Variants in AMBRA1 observed in about 807,000 individuals in gnomAD.
AMBRA1 encodes the protein autophagy and beclin 1 regulator 1.
AMBRA1 carries 47 observed loss-of-function variants against 125.4 expected under a neutral mutation model. That is an observed-to-expected ratio of 0.37 (90% confidence interval 0.30 to 0.48). The LOEUF (loss-of-function observed/expected upper bound fraction) is 0.48. Among genes scored for constraint, AMBRA1 ranks in the 20% least tolerant of loss-of-function variants. AMBRA1 has a pLI of 0.99. For missense variants in AMBRA1, 1,331 were observed against 1,693.4 expected (o/e 0.79, Z 3.76); for synonymous variants, 626 against 655.5 (o/e 0.95, Z 0.69).
intron 11 of AMBRA1, among the ~76,000 whole-genome samples, chr11:46,453,361 GC>G (rs1948709058): frequency 6.6e-6 from 1 of 151,908 alleles, no homozygotes; most frequent in East Asian, 1.9e-4. Flanking sequence ...GAACTACTGG[GC>G]TCAAGCAATC....
intron 12 of AMBRA1, among the ~76,000 whole-genome samples, chr11:46,437,601 A>G (rs1947788485): frequency 6.6e-6 from 1 of 152,186 alleles, no homozygotes. Context: ...TTAATTTCAC[A>G]TGTGGAAAAG....
chr11:46,460,071 T>C (rs1163304305), intron 11 of AMBRA1, among the ~76,000 whole-genome samples: 1 of 152,186 alleles, frequency 6.6e-6, no homozygotes, highest in Non-Finnish European at 1.5e-5. Flanking sequence ...AACAATTTCA[T>C]CTCTGTGTAA....
chr11:46,415,086 G>T (rs1355917275), intron 15 of AMBRA1, among the ~76,000 whole-genome samples: 1 of 152,204 alleles, frequency 6.6e-6, no homozygotes, highest in African/African-American at 2.4e-5. Context: ...GGCCCAGCTG[G>T]CTGGCTGGAT....
At position 46,480,084 on chromosome 11, in the gene AMBRA1, T is replaced by C. The variant is rs550769194; in HGVS notation, c.2521+13524A>G. Among the ~76,000 whole-genome samples the C allele has an allele frequency of 7.2e-5, 11 of 152,290 alleles. No homozygotes were observed. The South Asian group carries it at 1.7e-3, about 23-fold the overall frequency. ...CAGAGGCCATTCCCATCTTTGATCA[T>C]TGCAGCACCTTGACTGACCCTTCTG... On this transcript the variant is annotated intron_variant, in intron 11 of 17. Transcript: ENST00000683756.
chr11:46,463,819 C>T (rs1259275960), intron 11 of AMBRA1, among the ~76,000 whole-genome samples: 1 of 152,126 alleles, frequency 6.6e-6, no homozygotes, highest in Non-Finnish European at 1.5e-5. Flanking sequence ...CCGGGGTGGG[C>T]GGGCTTCCCT....
Position 46,434,860 on chromosome 11 carries a change from G to T in AMBRA1, c.2810C>A (p.Thr937Asn). The T allele has an allele frequency of 6.2e-7, 1 of 1,609,442 alleles. No individual in the cohort carries two copies. The highest frequency in any genetic ancestry group is 1.3e-5 in the African/African-American group (1 of 74,846). The change falls in exon 13 of 18, where the codon ACC (threonine) becomes AAC (asparagine). Residue 937 changes from threonine (T) to asparagine (N), a missense_variant. Thr to Asn is a moderately conservative substitution (Grantham distance 65). Around this residue, in one of 4 missense-constraint regions of AMBRA1, gnomAD observed 354 missense variants for 532.7 expected, o/e 0.66. Transcript: ENST00000683756. ...TTCCTATCCCTTACCAAATCGCTTGGTGTAGAGCATTTCGCCCAGGTTATG... is the reference window on the plus strand; with the variant it reads ...TTCCTATCCCTTACCAAATCGCTTGTTGTAGAGCATTTCGCCCAGGTTATG... Reference protein sequence around the residue: ...APHNLGEMLYTKRFGPNAISV... With the variant: ...APHNLGEMLYNKRFGPNAISV...
At chr11:46,532,594 G>A (rs1327683242) in intron 7 of AMBRA1, among the ~76,000 whole-genome samples, 1 of 152,098 alleles carries the variant, frequency 6.6e-6, no homozygotes, top group African/African-American at 2.4e-5. Context: ...CCACCACCAT[G>A]CCCAGCTAAT....
intron 1 of AMBRA1, among the ~76,000 whole-genome samples, chr11:46,584,251 T>G (rs1360038539): frequency 6.7e-6 from 1 of 148,218 alleles, no homozygotes; most frequent in African/African-American, 2.5e-5. Flanking sequence ...GAAATCATCA[T>G]TCTCAGTAAA....
chr11:46,510,132 A>G (rs1951201784), intron 8 of AMBRA1, among the ~76,000 whole-genome samples: 1 of 152,242 alleles, frequency 6.6e-6, no homozygotes, highest in African/African-American at 2.4e-5. Flanking sequence ...GTTTTACAGA[A>G]TAATACACTG....
chr11:46,538,844 A>G (rs939424996), intron 7 of AMBRA1, among the ~76,000 whole-genome samples: 1 of 152,186 alleles, frequency 6.6e-6, no homozygotes, highest in African/African-American at 2.4e-5. Context: ...GTGATTAATA[A>G]TATTTTAGAT....
chr11:46,475,754 C>T (rs773327088), intron 11 of AMBRA1, among the ~76,000 whole-genome samples: 8 of 152,158 alleles, frequency 5.3e-5, no homozygotes, highest in Non-Finnish European at 7.3e-5. Flanking sequence ...GCTCTGGATA[C>T]GAGAATCCCG....
intron 5 of AMBRA1, among the ~76,000 whole-genome samples, chr11:46,544,496 A>G (rs948460144): frequency 2.6e-5 from 4 of 152,220 alleles, no homozygotes; most frequent in African/African-American, 9.6e-5. Context: ...CCTGTATTCG[A>G]CTGGAAATCC....
intron 11 of AMBRA1, among the ~76,000 whole-genome samples, chr11:46,448,742 C>T (rs944071593): frequency 6.6e-6 from 1 of 151,892 alleles, no homozygotes; most frequent in African/African-American, 2.4e-5. Context: ...ATTACTAATA[C>T]CAGAAAAGAA....
At chr11:46,411,069 C>T (rs1590731733) in intron 15 of AMBRA1, among the ~76,000 whole-genome samples, 1 of 141,246 alleles carries the variant, frequency 7.1e-6, no homozygotes, top group East Asian at 2.1e-4. Flanking sequence ...CACTGTACTC[C>T]AGCCTGGGTG....
In AMBRA1 at chr11:46,417,903, A is replaced by G. The variant is rs1382071994; in HGVS notation, c.3116+10T>C. On this transcript the variant is annotated intron_variant, in intron 15 of 17. Coordinates refer to ENST00000683756, the MANE Select transcript of AMBRA1 (RefSeq NM_001387011.1). ...GTGATCCCTCAACCCCCACACTTTA[A>G]GCCACTTACTCTGGTCGGCAGATCA... The G allele has an allele frequency of 1.9e-6, 3 of 1,599,940 alleles. No homozygotes were observed. In the African/African-American group the frequency reaches 4.0e-5, roughly 21 times the overall value.
At chr11:46,540,312 T>G (rs1043760239) in intron 7 of AMBRA1, among the ~76,000 whole-genome samples, 3 of 152,208 alleles carry the variant, frequency 2.0e-5, no homozygotes, top group Non-Finnish European at 4.4e-5. Flanking sequence ...AAGACAGTCC[T>G]TTTACAGAGA....
At chr11:46,569,445 A>C (rs1390335912) in intron 1 of AMBRA1, among the ~76,000 whole-genome samples, 1 of 124,938 alleles carries the variant, frequency 8.0e-6, no homozygotes, top group East Asian at 2.2e-4. Flanking sequence ...AAAAAAATAT[A>C]TATATATATA....
chr11:46,404,075 G>A (rs907219475), intron 17 of AMBRA1, among the ~76,000 whole-genome samples: 5 of 152,326 alleles, frequency 3.3e-5, no homozygotes, highest in East Asian at 1.9e-4. Flanking sequence ...GCGTGGTGGC[G>A]TGTGCCAGGA....
chr11:46,572,560 A>G (rs2043803459), intron 1 of AMBRA1, among the ~76,000 whole-genome samples: 1 of 152,224 alleles, frequency 6.6e-6, no homozygotes, highest in Admixed American at 6.5e-5. Flanking sequence ...TGAGGTGCAT[A>G]CAGTAGGTAA....
Sources: gnomAD v4.1 joint callset for allele counts (sites outside exome capture counted in the v4.1 genomes callset) on GRCh38, gnomAD v4.1.1 for gene constraint, gnomAD v4.1.1 regional missense constraint, MANE v1.5 for transcripts, NCBI Gene and HGNC (gene_info 2026-07-23, HGNC 2026-07-21) for gene names.